ITPR2: variants seen among roughly 807,000 people sequenced by gnomAD.
ITPR2 encodes the protein inositol 1,4,5-trisphosphate receptor type 2, also known as inositol 1,4,5-trisphosphate-gated calcium channel ITPR2.
ITPR2 carries 207 observed loss-of-function variants against 317.1 expected under a neutral mutation model. The ratio of observed to expected loss-of-function variants is 0.65; its 90% CI spans 0.58 to 0.73. The LOEUF is 0.73. ITPR2 is among the 30% of genes least tolerant of loss of function. The pLI is 0.00. For synonymous variants in ITPR2, 1,156 were observed against 1,149.1 expected (o/e 1.01, Z -0.12); for missense variants, 2,613 against 3,284.0 (o/e 0.80, Z 4.99).
chr12:26,507,502 C>T (rs958772596), intron 37 of ITPR2, among the ~76,000 whole-genome samples: 1 of 152,130 alleles, frequency 6.6e-6, no homozygotes, highest in African/African-American at 2.4e-5. Flanking sequence ...TAATCCGGGG[C>T]ACTAAGAAAG....
At chr12:26,739,623 G>A (rs1364604004) in intron 2 of ITPR2, among the ~76,000 whole-genome samples, 1 of 152,180 alleles carries the variant, frequency 6.6e-6, no homozygotes, top group African/African-American at 2.4e-5. Context: ...CCAAAAGAAG[G>A]TCAGGGGTTA....
chr12:26,754,063 TA>T, intron 2 of ITPR2, among the ~76,000 whole-genome samples: 1 of 152,324 alleles, frequency 6.6e-6, no homozygotes, highest in South Asian at 2.1e-4. Flanking sequence ...ATTGGTTTAA[TA>T]ATAAGAGGTT....
Position 26,430,303 on chromosome 12 carries a change from A to G in ITPR2, c.6770-2215T>C, listed in dbSNP as rs561043389. Among the ~76,000 whole-genome samples the G allele has an allele frequency of 2.6e-5, 4 of 152,288 alleles. No homozygotes were observed. The East Asian group carries it at 5.8e-4, about 22-fold the overall frequency. On this transcript the variant is annotated intron_variant, in intron 48 of 56. Transcript: ENST00000381340. ...GATTTTCTTTGAGTCTTGCTCTGTC[A>G]CCCAGGCTGGAGTGCAGTGGCGTGA...
intron 2 of ITPR2, among the ~76,000 whole-genome samples, chr12:26,782,476 A>G (rs987526152): frequency 6.6e-6 from 1 of 152,194 alleles, no homozygotes; most frequent in Admixed American, 6.5e-5. Context: ...GCTATTGTGT[A>G]GGAAAAGGAT....
chr12:26,352,197 C>T (rs1938504717), intron 55 of ITPR2, among the ~76,000 whole-genome samples: 1 of 152,204 alleles, frequency 6.6e-6, no homozygotes, highest in Admixed American at 6.5e-5. Flanking sequence ...CAAAGGGCGA[C>T]CCATCAGATG....
At chr12:26,501,148 A>T (rs1012853566) in intron 37 of ITPR2, among the ~76,000 whole-genome samples, 2 of 152,302 alleles carry the variant, frequency 1.3e-5, no homozygotes, top group South Asian at 2.1e-4. Flanking sequence ...CTGAGACAAG[A>T]TCTACAAGGA....
chr12:26,756,780 AG>A (rs1949529032), intron 2 of ITPR2, among the ~76,000 whole-genome samples: 2 of 152,126 alleles, frequency 1.3e-5, no homozygotes. Flanking sequence ...TATAGAAGGG[AG>A]GGGGGAAATG....
Position 26,721,818 on chromosome 12 carries a change from T to C in ITPR2, c.525+579A>G, listed in dbSNP as rs528158961. Among the ~76,000 whole-genome samples, 4 of 152,268 alleles carry C rather than the reference T, an allele frequency of 2.6e-5. No individual in the cohort carries two copies. In the South Asian group the frequency reaches 8.3e-4, roughly 32 times the overall value. Reference sequence around the variant, plus strand: ...TTTTTAGAAACAAGGTCTTGCTATGTTGCCCAGGCTGGTCTTGAACCCGTG... The same window carrying C: ...TTTTTAGAAACAAGGTCTTGCTATGCTGCCCAGGCTGGTCTTGAACCCGTG... On this transcript the variant is annotated intron_variant, in intron 5 of 56. Transcript: ENST00000381340.
At chr12:26,360,724 CT>C (rs1393407890) in intron 55 of ITPR2, among the ~76,000 whole-genome samples, 4 of 152,158 alleles carry the variant, frequency 2.6e-5, no homozygotes, top group African/African-American at 9.7e-5. Context: ...ATCCCTAGCT[CT>C]TCAATAGATG....
At chr12:26,448,372 G>A (rs1013781333) in intron 45 of ITPR2, among the ~76,000 whole-genome samples, 2 of 151,322 alleles carry the variant, frequency 1.3e-5, no homozygotes, top group Admixed American at 6.6e-5. Flanking sequence ...AATGCCATGG[G>A]GGGGAAATCT....
intron 37 of ITPR2, among the ~76,000 whole-genome samples, chr12:26,510,698 A>T (rs1943321338): frequency 6.6e-6 from 1 of 152,260 alleles, no homozygotes; most frequent in Non-Finnish European, 1.5e-5. Context: ...AATGGAGACA[A>T]ATGAATCAGT....
chr12:26,348,185 C>A (rs1301990171), intron 55 of ITPR2, among the ~76,000 whole-genome samples: 1 of 152,230 alleles, frequency 6.6e-6, no homozygotes, highest in East Asian at 1.9e-4. Context: ...CTGAAGACAT[C>A]AGCAGAAATG....
intron 37 of ITPR2, among the ~76,000 whole-genome samples, chr12:26,531,410 G>A (rs11613431): frequency 0.21 from 31,191 of 152,060 alleles, 3,578 homozygotes; most frequent in Non-Finnish European, 0.26. Flanking sequence ...GAGCAGAAAC[G>A]AATTGTAGAG....
chr12:26,764,061 C>T (rs1448293515), intron 2 of ITPR2, among the ~76,000 whole-genome samples: 2 of 152,002 alleles, frequency 1.3e-5, no homozygotes, highest in African/African-American at 4.8e-5. Context: ...ATAAAAATAT[C>T]AACAGATCTT....
At chr12:26,532,952 C>T (rs1011685856) in intron 37 of ITPR2, among the ~76,000 whole-genome samples, 8 of 151,376 alleles carry the variant, frequency 5.3e-5, no homozygotes, top group Admixed American at 1.3e-4. Flanking sequence ...TCCCAAACAG[C>T]TGGGATTACA....
At chr12:26,649,850 C>T (rs1947205500) in intron 21 of ITPR2, among the ~76,000 whole-genome samples, 1 of 152,096 alleles carries the variant, frequency 6.6e-6, no homozygotes, top group African/African-American at 2.4e-5. Context: ...GATAACCTGG[C>T]TGTTTCTCCT....
intron 3 of ITPR2, 39 bp downstream of exon 3, chr12:26,725,611 G>C: frequency 7.4e-7 from 1 of 1,344,350 alleles, no homozygotes; most frequent in Non-Finnish European, 1.1e-6. Flanking sequence ...TGCTGTACTT[G>C]GTTAGCCTAA....
At chr12:26,552,933 G>C (rs1475877351) in intron 36 of ITPR2, among the ~76,000 whole-genome samples, 1 of 152,064 alleles carries the variant, frequency 6.6e-6, no homozygotes, top group Non-Finnish European at 1.5e-5. Flanking sequence ...TTTATAAAAG[G>C]TATTCAAAGG....
intron 26 of ITPR2, among the ~76,000 whole-genome samples, chr12:26,619,714 A>G (rs10842762): frequency 6.6e-6 from 1 of 151,960 alleles, no homozygotes; most frequent in African/African-American, 2.4e-5. Flanking sequence ...GAGGCAAGGA[A>G]TTAAAGCTGG....
Sources: allele counts gnomAD v4.1 joint callset (sites outside exome capture counted in the v4.1 genomes callset), GRCh38; gene constraint gnomAD v4.1.1; transcripts MANE v1.5; gene names NCBI Gene and HGNC (gene_info 2026-07-23, HGNC 2026-07-21).